PHACTR2: variants seen among roughly 807,000 people sequenced by gnomAD.
PHACTR2 encodes phosphatase and actin regulator 2, also known as chromosome 6 open reading frame 56.
A neutral mutation model predicts 76.0 loss-of-function variants in PHACTR2; 30 were observed. The observed-to-expected ratio is 0.39, with a 90% CI of 0.30 to 0.54. The LOEUF (loss-of-function observed/expected upper bound fraction) is 0.54. Among genes scored for constraint, PHACTR2 ranks in the 20% least tolerant of loss-of-function variants. The pLI is 0.61. For missense variants in PHACTR2, 696 were observed against 781.1 expected, an observed-to-expected ratio of 0.89 and a Z score of 1.30; for synonymous variants, 292 against 292.5, an observed-to-expected ratio of 1.00 and a Z score of 0.02.
Position 143,625,769 on chromosome 6 carries a change from A to T in PHACTR2, c.13+17447A>T, listed in dbSNP as rs963253194. Among the ~76,000 whole-genome samples, 1 of 152,162 alleles carries T rather than the reference A, an allele frequency of 6.6e-6. No homozygotes were observed. Among genetic ancestry groups the T allele is most frequent in the Admixed American group, 6.5e-5 (1 of 15,272 alleles). Reference sequence around the variant, plus strand: ...AGTGAATGGGGCAGTGATGAGACACATGGAGTCCCTGCTCCCATGGAGCTT... The same window carrying T: ...AGTGAATGGGGCAGTGATGAGACACTTGGAGTCCCTGCTCCCATGGAGCTT... On this transcript the variant is annotated intron_variant, in intron 1 of 11. Coordinates refer to the PHACTR2 transcript ENST00000305766. The surrounding 1 kb of genome is among the most constrained non-coding windows in gnomAD (Gnocchi z 4.3).
chr6:143,809,899 C>G lies in PHACTR2; in HGVS notation c.1922+2766C>G, dbSNP rs1229553038. On this transcript the variant is annotated intron_variant, in intron 12 of 12. Transcript: ENST00000440869. This position sits in a 1 kb window ranked among gnomAD's most constrained non-coding sequence, Gnocchi z 4.2. ...GGCCGAGGTGGGCAGATCTTTTGAG[C>G]TCAGGAGTTCGAGACCAGCCTGGAC... Among the ~76,000 whole-genome samples, 1 of 151,988 alleles carries G rather than the reference C, an allele frequency of 6.6e-6. No individual in the cohort carries two copies. Among genetic ancestry groups the G allele is most frequent in the Non-Finnish European group, 1.5e-5 (1 of 68,004 alleles).
rs1446098827 is a variant in PHACTR2, at chr6:143,598,091, C to T, written c.217+60884C>T. On this transcript the variant is annotated intron_variant, in intron 1 of 11. Transcript: ENST00000367584. The surrounding 1 kb of genome is among the most constrained non-coding windows in gnomAD (Gnocchi z 4.1). ...ATAGTAGGTCGAAGAATGCCCCCCG[C>T]GCCCCCAAAAAAGAACCATATCTTA... 2.6e-5 allele frequency among the ~76,000 whole-genome samples: 4 copies of T among 151,608 alleles called. No homozygotes were observed. Among genetic ancestry groups the T allele is most frequent in the Admixed American group, 6.6e-5 (1 of 15,208 alleles).
intron 2 of PHACTR2, among the ~76,000 whole-genome samples, chr6:143,744,108 G>A (rs78684927): frequency 1.6e-3 from 240 of 152,310 alleles, no homozygotes; most frequent in Non-Finnish European, 2.4e-3. Context: ...GTCGTCTACA[G>A]ACTGTGAGCT....
chr6:143,710,932 A>G lies in PHACTR2; in HGVS notation c.47-1084A>G. On this transcript the variant is annotated intron_variant, in intron 1 of 12. Coordinates refer to ENST00000440869, the MANE Select transcript of PHACTR2 (RefSeq NM_001100164.2). The surrounding 1 kb of genome is among the most constrained non-coding windows in gnomAD (Gnocchi z 4.9). The stretch of plus-strand genomic sequence containing the variant: ...TTTTATCCATCTGCCTTTTCCATCT[A>G]TCTATCCAGTTATTATTTTTGACGG... 2.3e-6 allele frequency: 1 copy of G among 436,206 alleles called. No homozygotes were observed. The highest frequency in any genetic ancestry group is 3.1e-5 in the Admixed American group (1 of 31,944). The allele number at this position is 436,206 out of a possible 1,614,324, so 27.0% of individuals were successfully genotyped here. A position where few individuals can be genotyped will look rare whatever the true frequency, so the allele number is the denominator to read the frequency against.
At chr6:143,574,726 T>C (rs998316438) in intron 1 of PHACTR2, among the ~76,000 whole-genome samples, 1 of 151,666 alleles carries the variant, frequency 6.6e-6, no homozygotes, top group Non-Finnish European at 1.5e-5. Flanking sequence ...GAGTCAGTTA[T>C]GTTGGAAATT....
chr6:143,784,284 T>C lies in PHACTR2; in HGVS notation c.1707+1004T>C, dbSNP rs2128478305. On this transcript the variant is annotated intron_variant, in intron 10 of 12. Transcript: ENST00000440869. This position sits in a 1 kb window ranked among gnomAD's most constrained non-coding sequence, Gnocchi z 4.5. ...TGTCTTACCTCCCAAACTCAGACAATTGTTGCCACTTATTTATGAATATAT... is the reference window on the plus strand; with the variant it reads ...TGTCTTACCTCCCAAACTCAGACAACTGTTGCCACTTATTTATGAATATAT... Among the ~76,000 whole-genome samples, 1 of 152,334 alleles carries C rather than the reference T, an allele frequency of 6.6e-6. No individual in the cohort carries two copies. The highest frequency in any genetic ancestry group is 2.1e-4 in the South Asian group (1 of 4,834).
Position 143,598,970 on chromosome 6 carries a change from A to G in PHACTR2, c.217+61763A>G, listed in dbSNP as rs1582690755. On this transcript the variant is annotated intron_variant, in intron 1 of 11. Transcript: ENST00000367584. This position sits in a 1 kb window ranked among gnomAD's most constrained non-coding sequence, Gnocchi z 4.1. ...ATTAGTCCTTTGTAATTAAATTTAG[A>G]TAGCATCTCACCCCTGACTCTTTTA... Among the ~76,000 whole-genome samples, 1 of 152,286 alleles carries G rather than the reference A, an allele frequency of 6.6e-6. No individual in the cohort carries two copies. The highest frequency in any genetic ancestry group is 6.5e-5 in the Admixed American group (1 of 15,294).
rs190020513 is a variant in PHACTR2, at chr6:143,760,778, A to G, written c.694+138A>G. The G allele has an allele frequency of 2.1e-6, 2 of 970,478 alleles. No individual in the cohort carries two copies. The highest frequency in any genetic ancestry group is 3.0e-6 in the Non-Finnish European group (2 of 671,544). The allele number at this position is 970,478 out of a possible 1,614,324, so 60.1% of individuals were successfully genotyped here. A position where few individuals can be genotyped will look rare whatever the true frequency, so the allele number is the denominator to read the frequency against. On this transcript the variant is annotated intron_variant, in intron 5 of 12. Transcript: ENST00000440869. This position sits in a 1 kb window ranked among gnomAD's most constrained non-coding sequence, Gnocchi z 6.4. Reference sequence around the variant, plus strand: ...CAGCAGGTTCAGCTTTGACACAAAGAATGCCCAGGAGATTCCTTTGTTGCT... The same window carrying G: ...CAGCAGGTTCAGCTTTGACACAAAGGATGCCCAGGAGATTCCTTTGTTGCT...
intron 12 of PHACTR2, among the ~76,000 whole-genome samples, chr6:143,812,525 G>A (rs978027328): frequency 6.6e-6 from 1 of 152,146 alleles, no homozygotes; most frequent in African/African-American, 2.4e-5. Context: ...CTGTAGTGAT[G>A]AAGAACTGTG....
rs2128467026 is a variant in PHACTR2 at position 143,737,427 on chromosome 6, A to C, written c.215-11558A>C. ...TGGGATTACAGGCATGAGCTGCCACACCCAGCCCAGTCTATTCTAACCTAT... is the reference window on the plus strand; with the variant it reads ...TGGGATTACAGGCATGAGCTGCCACCCCCAGCCCAGTCTATTCTAACCTAT... On this transcript the variant is annotated intron_variant, in intron 2 of 12. Transcript: ENST00000440869. Among the ~76,000 whole-genome samples the C allele has an allele frequency of 2.0e-5, 3 of 152,048 alleles. No individual in the cohort carries two copies. The South Asian group carries it at 6.2e-4, about 32-fold the overall frequency.
rs1253411549 is a variant in PHACTR2 at position 143,583,592 on chromosome 6, G to A, written c.217+46385G>A. The stretch of plus-strand genomic sequence containing the variant: ...GTCTTGCCTGGAAGGCAGTGTGTTA[G>A]TATGGAGAGAGCGAGGGCTAAAGTA... On this transcript the variant is annotated intron_variant, in intron 1 of 11. Transcript: ENST00000367584. This position sits in a 1 kb window ranked among gnomAD's most constrained non-coding sequence, Gnocchi z 4.0. Among the ~76,000 whole-genome samples, 2 of 152,266 alleles carry A rather than the reference G, an allele frequency of 1.3e-5. No homozygotes were observed. The highest frequency in any genetic ancestry group is 2.1e-4 in the South Asian group (1 of 4,834).
rs1776055702 is a variant in PHACTR2 at position 143,616,166 on chromosome 6, C to T, written c.13+7844C>T. Among the ~76,000 whole-genome samples the T allele has an allele frequency of 6.6e-6, 1 of 152,102 alleles. No homozygotes were observed. The highest frequency in any genetic ancestry group is 2.4e-5 in the African/African-American group (1 of 41,418). ...ATAATTCCCAACATCCAGCTATCTC[C>T]CCAAAATTATTTTGAATTTTTTTCA... is the stretch of plus-strand genomic sequence containing the variant. On this transcript the variant is annotated intron_variant, in intron 1 of 11. Coordinates refer to the PHACTR2 transcript ENST00000305766. The surrounding 1 kb of genome is among the most constrained non-coding windows in gnomAD (Gnocchi z 4.9).
At position 143,656,475 on chromosome 6, in the gene PHACTR2, G is replaced by C. The variant is rs908507868; in HGVS notation, c.13+48153G>C. On this transcript the variant is annotated intron_variant, in intron 1 of 11. Transcript: ENST00000305766. This position sits in a 1 kb window ranked among gnomAD's most constrained non-coding sequence, Gnocchi z 5.3. ...CTCATAGTGTTTTAAGAAAGTTTACGTATTTGTTTTGGGCTGCATTCAAAG... is the reference window on the plus strand; with the variant it reads ...CTCATAGTGTTTTAAGAAAGTTTACCTATTTGTTTTGGGCTGCATTCAAAG... Among the ~76,000 whole-genome samples the C allele has an allele frequency of 1.3e-5, 2 of 151,852 alleles. No homozygotes were observed. The highest frequency in any genetic ancestry group is 2.4e-5 in the African/African-American group (1 of 41,346).
intron 1 of PHACTR2, among the ~76,000 whole-genome samples, chr6:143,565,395 G>A (rs1374337403): frequency 6.6e-6 from 1 of 152,152 alleles, no homozygotes; most frequent in Non-Finnish European, 1.5e-5. Context: ...AAGGTGGGCG[G>A]ATCACGAGGT....
intron 2 of PHACTR2, among the ~76,000 whole-genome samples, chr6:143,721,090 A>G (rs936550750): frequency 1.4e-4 from 22 of 152,234 alleles, no homozygotes; most frequent in Non-Finnish European, 5.9e-5. Flanking sequence ...CCATCAAACC[A>G]AAAGTCAGAA....
intron 6 of PHACTR2, among the ~76,000 whole-genome samples, chr6:143,766,490 G>C (rs1779566567): frequency 6.6e-6 from 1 of 152,218 alleles, no homozygotes; most frequent in African/African-American, 2.4e-5. Context: ...GATTTAAGAT[G>C]GTTATAGATA....
At chr6:143,542,127 A>G (rs1341104820) in intron 1 of PHACTR2, among the ~76,000 whole-genome samples, 1 of 152,202 alleles carries the variant, frequency 6.6e-6, no homozygotes, top group Non-Finnish European at 1.5e-5. Context: ...GGACAGTACA[A>G]GAGGGTGCTG....
At chr6:143,586,173 A>C (rs12205130) in intron 1 of PHACTR2, among the ~76,000 whole-genome samples, 39,980 of 152,118 alleles carry the variant, frequency 0.26, 7,035 homozygotes, top group Non-Finnish European at 0.39. Context: ...ATTATTCTAA[A>C]TGTTAAATCA....
intron 12 of PHACTR2, among the ~76,000 whole-genome samples, chr6:143,812,168 AC>A (rs930540162): frequency 2.0e-4 from 31 of 152,254 alleles, no homozygotes; most frequent in African/African-American, 6.7e-4. Context: ...CAATGGAAGG[AC>A]CCACTTCTGT....
Sources: allele counts gnomAD v4.1 joint callset (sites outside exome capture counted in the v4.1 genomes callset), GRCh38; gene constraint gnomAD v4.1.1; non-coding constraint Gnocchi (gnomAD v3.1); transcripts MANE v1.5; gene names NCBI Gene and HGNC (gene_info 2026-07-23, HGNC 2026-07-21).